ATRNL1: variants seen among roughly 807,000 people sequenced by gnomAD.
The protein encoded by ATRNL1 is attractin-like protein 1.
Under a neutral mutation model 182.7 loss-of-function variants are expected in ATRNL1, and 95 were observed. That is an observed-to-expected ratio of 0.52 (90% CI 0.44 to 0.62). The LOEUF is 0.62. Ranked by LOEUF, ATRNL1 falls within the 20% of genes least tolerant of loss-of-function variation. The pLI is 0.00. For synonymous variants in ATRNL1, 576 were observed against 568.3 expected (o/e 1.01, Z -0.19); for missense variants, 1,471 against 1,679.5 (o/e 0.88, Z 2.17).
chr10:115,428,334 C>A (rs1215066059), intron 21 of ATRNL1, among the ~76,000 whole-genome samples: 1 of 152,006 alleles, frequency 6.6e-6, no homozygotes, highest in Admixed American at 6.6e-5. Context: ...ACAATGTTTC[C>A]TGCAAATAAT....
intron 18 of ATRNL1, among the ~76,000 whole-genome samples, chr10:115,327,533 C>A (rs1210483600): frequency 7.4e-5 from 11 of 148,158 alleles, no homozygotes; most frequent in African/African-American, 2.2e-4. Flanking sequence ...TGTGGCGATT[C>A]CTCAGGGATC....
intron 19 of ATRNL1, among the ~76,000 whole-genome samples, chr10:115,360,308 G>A (rs1217846451): frequency 1.4e-5 from 2 of 147,162 alleles, no homozygotes; most frequent in Non-Finnish European, 3.1e-5. Flanking sequence ...TTTATAAAAT[G>A]GAAAAGTTCT....
intron 19 of ATRNL1, among the ~76,000 whole-genome samples, chr10:115,389,839 C>T (rs1394599029): frequency 6.6e-6 from 1 of 151,650 alleles, no homozygotes; most frequent in Non-Finnish European, 1.5e-5. Context: ...CCTTTTTCTG[C>T]TCATCCCTGC....
chr10:115,141,319 T>C (rs1845744012), intron 5 of ATRNL1, among the ~76,000 whole-genome samples: 1 of 152,176 alleles, frequency 6.6e-6, no homozygotes, highest in Non-Finnish European at 1.5e-5. Flanking sequence ...CCTGTATAAT[T>C]ACTTCTGAAC....
At chr10:115,292,899 G>C (rs1368759301) in intron 15 of ATRNL1, among the ~76,000 whole-genome samples, 1 of 152,088 alleles carries the variant, frequency 6.6e-6, no homozygotes, top group African/African-American at 2.4e-5. Flanking sequence ...TAAATCTGAT[G>C]TTTCTTTGCT....
At chr10:115,330,636 T>C (rs1479299420) in intron 18 of ATRNL1, among the ~76,000 whole-genome samples, 1 of 151,512 alleles carries the variant, frequency 6.6e-6, no homozygotes, top group East Asian at 1.9e-4. Flanking sequence ...GTAACTCTCC[T>C]GTCAGGCATA....
chr10:115,768,496 A>T (rs1555075569), intron 27 of ATRNL1, among the ~76,000 whole-genome samples: 1 of 152,092 alleles, frequency 6.6e-6, no homozygotes, highest in Non-Finnish European at 1.5e-5. Context: ...ACCTAATTAC[A>T]TTTTCATATT....
At chr10:115,384,244 G>C (rs1029860601) in intron 19 of ATRNL1, among the ~76,000 whole-genome samples, 2 of 151,872 alleles carry the variant, frequency 1.3e-5, no homozygotes, top group Non-Finnish European at 2.9e-5. Flanking sequence ...GTTATAAGTA[G>C]TAAATGCATG....
chr10:115,386,527 G>C (rs1419153049), intron 19 of ATRNL1, among the ~76,000 whole-genome samples: 1 of 152,040 alleles, frequency 6.6e-6, no homozygotes, highest in Non-Finnish European at 1.5e-5. Flanking sequence ...AGTGAGACTC[G>C]CATTTATTCA....
Position 115,470,490 on chromosome 10 carries a change from T to G in ATRNL1, c.3654+1161T>G, listed in dbSNP as rs1424722255. ...TAGAGAAATATTTATCAAATTTCAC[T>G]TCATTTATTCAATTATGATTGAAAG... On this transcript the variant is annotated intron_variant, in intron 24 of 28. Coordinates refer to ENST00000355044, the MANE Select transcript of ATRNL1 (RefSeq NM_207303.4). 8.6e-5 allele frequency among the ~76,000 whole-genome samples: 13 copies of G among 150,606 alleles called. No homozygotes were observed. In the East Asian group the frequency reaches 2.5e-3, roughly 29 times the overall value.
chr10:115,445,295 G>T (rs1214599674), intron 21 of ATRNL1, among the ~76,000 whole-genome samples: 1 of 151,128 alleles, frequency 6.6e-6, no homozygotes, highest in African/African-American at 2.4e-5. Flanking sequence ...AGCAGGATGT[G>T]GGGGCACACG....
chr10:115,295,245 C>T (rs1446535094), intron 15 of ATRNL1, among the ~76,000 whole-genome samples: 1 of 152,106 alleles, frequency 6.6e-6, no homozygotes, highest in African/African-American at 2.4e-5. Flanking sequence ...CCAGGAACAA[C>T]CCACAGGGCT....
chr10:115,782,845 G>A (rs1555079603), intron 27 of ATRNL1, among the ~76,000 whole-genome samples: 1 of 152,064 alleles, frequency 6.6e-6, no homozygotes, highest in African/African-American at 2.4e-5. Context: ...TTACTCTTGG[G>A]GCAAATTGTT....
chr10:115,555,792 T>C (rs1853279003), intron 26 of ATRNL1, among the ~76,000 whole-genome samples: 1 of 152,026 alleles, frequency 6.6e-6, no homozygotes, highest in Admixed American at 6.5e-5. Context: ...ATAAAGAAGA[T>C]TGACTGTGTT....
At chr10:115,515,177 TC>T (rs1850574298) in intron 24 of ATRNL1, among the ~76,000 whole-genome samples, 2 of 151,856 alleles carry the variant, frequency 1.3e-5, no homozygotes, top group South Asian at 4.1e-4. Context: ...TTTTGAGTTT[TC>T]CTATTGATTC....
At chr10:115,874,746 G>A (rs1951662958) in intron 28 of ATRNL1, among the ~76,000 whole-genome samples, 1 of 152,178 alleles carries the variant, frequency 6.6e-6, no homozygotes, top group South Asian at 2.1e-4. Context: ...AGTCTAAGTG[G>A]AGAGTCACAT....
intron 28 of ATRNL1, among the ~76,000 whole-genome samples, chr10:115,895,376 G>T (rs1023079739): frequency 2.0e-5 from 3 of 152,172 alleles, no homozygotes; most frequent in Admixed American, 6.5e-5. Flanking sequence ...CTGCCGCAAG[G>T]TTAGGCATAC....
chr10:115,337,691 C>T (rs1855557419), intron 19 of ATRNL1, among the ~76,000 whole-genome samples: 1 of 152,138 alleles, frequency 6.6e-6, no homozygotes, highest in South Asian at 2.1e-4. Flanking sequence ...ATAGTGATCT[C>T]CAGTTCTATC....
At chr10:115,237,695 T>C (rs1402852719) in intron 9 of ATRNL1, among the ~76,000 whole-genome samples, 2 of 152,202 alleles carry the variant, frequency 1.3e-5, no homozygotes, top group Non-Finnish European at 2.9e-5. Flanking sequence ...CTCATAACAA[T>C]GTCTTTCACT....
Sources: allele counts gnomAD v4.1 joint callset (sites outside exome capture counted in the v4.1 genomes callset), GRCh38; gene constraint gnomAD v4.1.1; transcripts MANE v1.5; gene names NCBI Gene and HGNC (gene_info 2026-07-23, HGNC 2026-07-21).